Variants in RABGEF1 observed in about 807,000 individuals in gnomAD.
The protein encoded by RABGEF1 is rab5 GDP/GTP exchange factor.
Under a neutral mutation model 57.3 loss-of-function variants are expected in RABGEF1, and 26 were observed. That is an observed-to-expected ratio of 0.45 (90% CI 0.33 to 0.63). RABGEF1 has a LOEUF of 0.63. Ranked by LOEUF, RABGEF1 falls within the 20% of genes least tolerant of loss-of-function variation. The pLI is 0.02. For synonymous variants in RABGEF1, 185 were observed against 210.7 expected, an observed-to-expected ratio of 0.88 and a Z score of 1.06; for missense variants, 464 against 607.6, an observed-to-expected ratio of 0.76 and a Z score of 2.48.
At chr7:66,805,498 G>T in intron 8 of RABGEF1, 102 bp downstream of exon 8, 1 of 1,522,072 alleles carries the variant, frequency 6.6e-7, no homozygotes, top group Non-Finnish European at 8.9e-7. Context: ...ATGCTTCTGT[G>T]TGAGAAGGCA....
At chr7:66,741,609 C>T (rs1798967196) in intron 1 of RABGEF1, among the ~76,000 whole-genome samples, 1 of 152,140 alleles carries the variant, frequency 6.6e-6, no homozygotes. Flanking sequence ...AGGAAATTTT[C>T]CCAGGACGAG....
intron 1 of RABGEF1, among the ~76,000 whole-genome samples, chr7:66,709,644 G>A (rs1437266665): frequency 6.6e-6 from 1 of 152,134 alleles, no homozygotes; most frequent in African/African-American, 2.4e-5. Context: ...AAATTAGCCA[G>A]GCATCTTGTA....
intron 4 of RABGEF1, among the ~76,000 whole-genome samples, chr7:66,794,602 A>G (rs978015433): frequency 1.3e-5 from 2 of 152,240 alleles, no homozygotes; most frequent in Non-Finnish European, 2.9e-5. Flanking sequence ...TAAGGGCCAT[A>G]GGGAAGTAAG....
intron 1 of RABGEF1, among the ~76,000 whole-genome samples, chr7:66,749,249 A>G (rs1232889651): frequency 6.6e-6 from 1 of 152,224 alleles, no homozygotes; most frequent in East Asian, 1.9e-4. Context: ...AAGTAATAAT[A>G]GTTCAAATTT....
intron 4 of RABGEF1, among the ~76,000 whole-genome samples, chr7:66,788,314 G>A (rs1049490542): frequency 2.6e-5 from 4 of 151,848 alleles, no homozygotes; most frequent in Non-Finnish European, 5.9e-5. Context: ...GCATGGTGGC[G>A]CTCGCCTGTA....
rs752502197 is a variant in RABGEF1, at chr7:66,797,545, T to C, written c.728+39T>C. On this transcript the variant is annotated intron_variant, in intron 6 of 8. Transcript: ENST00000284957. ...TTGTTTTGCTTTGTAGTTACTACCTTCTAATGGAAGAACACACTGGGGGGA... is the reference window on the plus strand; with the variant it reads ...TTGTTTTGCTTTGTAGTTACTACCTCCTAATGGAAGAACACACTGGGGGGA... The C allele has an allele frequency of 4.4e-6, 7 of 1,590,106 alleles. No individual in the cohort carries two copies. In the South Asian group the frequency reaches 6.9e-5, roughly 16 times the overall value.
intron 2 of RABGEF1, among the ~76,000 whole-genome samples, chr7:66,727,312 CAG>C (rs553287218): frequency 9.5e-4 from 144 of 152,276 alleles, no homozygotes; most frequent in Non-Finnish European, 4.7e-4. Flanking sequence ...CAGGGTGAGT[CAG>C]GGGATTGAAT....
At chr7:66,655,508 C>T in the RABGEF1 span, among the ~76,000 whole-genome samples, 1 of 152,080 alleles carries the variant, frequency 6.6e-6, no homozygotes, top group African/African-American at 2.4e-5. Flanking sequence ...AGCTACTTTC[C>T]CCCCCTAAAC....
chr7:66,784,365 G>A (rs1420175089), intron 4 of RABGEF1, among the ~76,000 whole-genome samples: 8 of 152,172 alleles, frequency 5.3e-5, no homozygotes, highest in Non-Finnish European at 1.2e-4. Flanking sequence ...AGCCAAAGAG[G>A]ATAAGTGACT....
At chr7:66,753,713 T>G (rs991116093) in intron 1 of RABGEF1, among the ~76,000 whole-genome samples, 2 of 143,646 alleles carry the variant, frequency 1.4e-5, no homozygotes, top group African/African-American at 5.1e-5. Context: ...TTTTTTTTTT[T>G]TTTTTTTTTT....
At chr7:66,749,960 C>T (rs575270215) in intron 1 of RABGEF1, among the ~76,000 whole-genome samples, 2 of 152,048 alleles carry the variant, frequency 1.3e-5, no homozygotes, top group Admixed American at 6.6e-5. Context: ...GGCGACAGAG[C>T]GAGACTCCAT....
At chr7:66,744,636 C>T (rs1799782107) in intron 1 of RABGEF1, among the ~76,000 whole-genome samples, 1 of 148,790 alleles carries the variant, frequency 6.7e-6, no homozygotes, top group African/African-American at 2.5e-5. Flanking sequence ...CCACTGCACT[C>T]CAGCCTGGGC....
intron 2 of RABGEF1, among the ~76,000 whole-genome samples, chr7:66,717,267 T>C (rs1199411774): frequency 6.6e-6 from 1 of 152,218 alleles, no homozygotes; most frequent in Admixed American, 6.5e-5. Context: ...TTAGAATTAA[T>C]ATTTTACCAC....
chr7:66,789,377 A>G (rs1203397282), intron 4 of RABGEF1, among the ~76,000 whole-genome samples: 1 of 152,188 alleles, frequency 6.6e-6, no homozygotes, highest in East Asian at 1.9e-4. Context: ...ATAAGGAAAA[A>G]AAGTAGATAA....
Position 66,689,316 on chromosome 7 carries a change from GA to G in RABGEF1, c.-873+7068del, listed in dbSNP as rs140626639. On this transcript the variant is annotated intron_variant and NMD_transcript_variant, in intron 1 of 9. Transcript: ENST00000607882. ...ACAAGTTTTTAGCTAGATTTACTAA[GA>G]AAAAAAAAAGAAAACTCAAATAGCC... Among the ~76,000 whole-genome samples, 1,071 of 142,370 alleles carry G rather than the reference GA, an allele frequency of 7.5e-3. 14 individuals carry two copies. The highest frequency in any genetic ancestry group is 0.025 in the African/African-American group (974 of 38,704). The allele number at this position is 142,370 out of a possible 152,430, so 93.4% of individuals were successfully genotyped here.
the RABGEF1 span, among the ~76,000 whole-genome samples, chr7:66,657,401 T>G: frequency 6.6e-6 from 1 of 152,188 alleles, no homozygotes; most frequent in Non-Finnish European, 1.5e-5. Flanking sequence ...TGGTTGGAGA[T>G]GAAATCATAC....
Position 66,809,019 on chromosome 7 carries a change from G to A in RABGEF1, c.1211G>A (p.Cys404Tyr), listed in dbSNP as rs751207256. 6.2e-7 allele frequency: 1 copy of A among 1,614,154 alleles called. No homozygotes were observed. Among genetic ancestry groups the A allele is most frequent in the Non-Finnish European group, 8.5e-7 (1 of 1,180,028 alleles). ...GCTGAGAGTTGGTCTCCTGATGCTT[G>A]CTTAGGCGTCAAGCAAATGTATAAG... The part of the protein sequence containing the change: ...QEAESWSPDA[C>Y]LGVKQMYKNL... Residue 404 changes from cysteine (C) to tyrosine (Y), a missense_variant, in exon 9 of 9, where the codon TGC becomes TAC. Physicochemically the swap from Cys to Tyr is radical, Grantham distance 194. Around this residue, in one of 4 missense-constraint regions of RABGEF1, gnomAD observed 151 missense variants for 152.2 expected, o/e 0.99. Coordinates refer to ENST00000284957, the MANE Select transcript of RABGEF1 (RefSeq NM_014504.3).
chr7:66,750,944 A>T (rs1386663441), intron 1 of RABGEF1, among the ~76,000 whole-genome samples: 1 of 152,134 alleles, frequency 6.6e-6, no homozygotes, highest in Non-Finnish European at 1.5e-5. Context: ...AATTTTAGAA[A>T]TACTTTTCAG....
chr7:66,688,085 CAAAAA>C (rs60925853), intron 1 of RABGEF1, among the ~76,000 whole-genome samples: 14 of 109,116 alleles, frequency 1.3e-4, no homozygotes, highest in Non-Finnish European at 1.2e-4. Flanking sequence ...AACTCTGTGT[CAAAAA>C]AAAAAAAAAA....
Sources: gnomAD v4.1 joint callset for allele counts (sites outside exome capture counted in the v4.1 genomes callset) on GRCh38, gnomAD v4.1.1 for gene constraint, gnomAD v4.1.1 regional missense constraint, MANE v1.5 for transcripts, NCBI Gene and HGNC (gene_info 2026-07-23, HGNC 2026-07-21) for gene names.